The following PAX3 variants were observed in gnomAD, a reference collection of about 807,000 sequenced individuals.
The protein encoded by PAX3 is paired box protein Pax-3.
Under a neutral mutation model 51.6 loss-of-function variants are expected in PAX3, and 14 were observed. That is an observed-to-expected ratio of 0.27 (90% CI 0.18 to 0.42). The LOEUF (loss-of-function observed/expected upper bound fraction) is 0.42. PAX3 is among the 10% of genes least tolerant of loss of function. PAX3 has a pLI of 1.00. For synonymous variants in PAX3, 280 were observed against 253.4 expected (o/e 1.11, Z -1.00); for missense variants, 540 against 642.8 (o/e 0.84, Z 1.73).
intron 4 of PAX3, among the ~76,000 whole-genome samples, chr2:222,250,304 A>T (rs1693378461): frequency 6.6e-6 from 1 of 152,152 alleles, no homozygotes; most frequent in Non-Finnish European, 1.5e-5. Flanking sequence ...GTAACCCCCA[A>T]AAAGCTTTGG....
intron 7 of PAX3, among the ~76,000 whole-genome samples, chr2:222,210,950 T>A (rs964512282): frequency 6.6e-6 from 1 of 152,100 alleles, no homozygotes; most frequent in African/African-American, 2.4e-5. Flanking sequence ...CACTGCAACC[T>A]CACCCTCCTG....
intron 1 of PAX3, chr2:222,298,162 C>T (rs904034976): frequency 6.6e-6 from 2 of 301,764 alleles, no homozygotes; most frequent in African/African-American, 4.3e-5. Context: ...TGGGCGCAGC[C>T]GGGACAATTT....
chr2:222,212,339 T>C (rs1427474364), intron 7 of PAX3, among the ~76,000 whole-genome samples: 1 of 152,134 alleles, frequency 6.6e-6, no homozygotes, highest in African/African-American at 2.4e-5. Context: ...ATTAGTTCAG[T>C]GCTAAAGGTT....
In PAX3 at chr2:222,298,656, G is replaced by A. The variant is rs1333918599; in HGVS notation, c.-41C>T. 3 of 1,555,164 alleles carry A rather than the reference G, an allele frequency of 1.9e-6. No individual in the cohort carries two copies. Among genetic ancestry groups the A allele is most frequent in the Non-Finnish European group, 2.6e-6 (3 of 1,144,164 alleles). Reference sequence around the variant, plus strand: ...GCTCGGAAATTATATCCAGGTGAAGGCGAAACGGAAAGGCGAGTGCGGCGC... The same window carrying A: ...GCTCGGAAATTATATCCAGGTGAAGACGAAACGGAAAGGCGAGTGCGGCGC... On this transcript the variant is annotated 5_prime_UTR_variant, in exon 1 of 9. Coordinates refer to ENST00000392070, the MANE Select transcript of PAX3 (RefSeq NM_181458.4).
chr2:222,296,918 T>A (rs1695329657), intron 2 of PAX3, 60 bp downstream of exon 2: 2 of 1,406,814 alleles, frequency 1.4e-6, no homozygotes, highest in Non-Finnish European at 2.0e-6. Context: ...CCCCGCCCGG[T>A]CTTCCCCAAC....
chr2:222,295,431 C>A (rs528275656), intron 3 of PAX3, 97 bp downstream of exon 3: 2 of 1,437,550 alleles, frequency 1.4e-6, no homozygotes, highest in African/African-American at 1.4e-5. Flanking sequence ...CTCCCAATAG[C>A]TGAGATCGAT....
chr2:222,291,187 A>C (rs1436438708), intron 4 of PAX3, among the ~76,000 whole-genome samples: 23 of 152,114 alleles, frequency 1.5e-4, no homozygotes, highest in Admixed American at 1.5e-3. Context: ...GCCGCTGCGC[A>C]GGGCGGTGCC....
chr2:222,260,578 G>T (rs201645915), intron 4 of PAX3, among the ~76,000 whole-genome samples: 12,132 of 59,998 alleles, frequency 0.2, 157 homozygotes, highest in East Asian at 0.25. Flanking sequence ...TTTTTTTTTT[G>T]TTTTTTTTTT....
chr2:222,202,410 A>C (rs974978975), intron 7 of PAX3, among the ~76,000 whole-genome samples: 12 of 151,786 alleles, frequency 7.9e-5, no homozygotes, highest in Admixed American at 2.6e-4. Flanking sequence ...AGGGGGAGGG[A>C]GAAGAGGGGA....
intron 7 of PAX3, among the ~76,000 whole-genome samples, chr2:222,211,118 C>T (rs773178621): frequency 6.6e-6 from 1 of 152,142 alleles, no homozygotes; most frequent in Non-Finnish European, 1.5e-5. Flanking sequence ...CCCACCTCAG[C>T]CTGCCAAAGT....
At chr2:222,270,964 G>A (rs1694231222) in intron 4 of PAX3, among the ~76,000 whole-genome samples, 1 of 152,186 alleles carries the variant, frequency 6.6e-6, no homozygotes, top group Non-Finnish European at 1.5e-5. Flanking sequence ...ACAGCAAGAA[G>A]GCAAATCAAT....
chr2:222,272,190 A>G (rs1443399649), intron 4 of PAX3, among the ~76,000 whole-genome samples: 1 of 152,208 alleles, frequency 6.6e-6, no homozygotes, highest in Non-Finnish European at 1.5e-5. Flanking sequence ...TCTCATCTTC[A>G]ATGGAAAAAA....
At chr2:222,266,244 T>A (rs1008269791) in intron 4 of PAX3, among the ~76,000 whole-genome samples, 11 of 152,300 alleles carry the variant, frequency 7.2e-5, no homozygotes, top group Admixed American at 5.9e-4. Flanking sequence ...GGAATTCATA[T>A]GTGCAAGAGT....
At chr2:222,232,828 A>C (rs2106096312) in intron 4 of PAX3, 1 of 157,766 alleles carries the variant, frequency 6.3e-6, no homozygotes, top group African/African-American at 2.4e-5. Flanking sequence ...AGTAACAGTT[A>C]ACTATTCCCA....
intron 4 of PAX3, among the ~76,000 whole-genome samples, chr2:222,238,270 T>G (rs1472430897): frequency 2.0e-5 from 3 of 152,186 alleles, no homozygotes; most frequent in Non-Finnish European, 4.4e-5. Context: ...AGAGAGTATG[T>G]CTTTGTCCGT....
chr2:222,249,211 T>TTA (rs1460104579), intron 4 of PAX3, among the ~76,000 whole-genome samples: 1 of 152,182 alleles, frequency 6.6e-6, no homozygotes, highest in Non-Finnish European at 1.5e-5. Context: ...AGGCATTATA[T>TTA]TAAGCCTTTC....
chr2:222,240,781 G>A lies in PAX3; in HGVS notation c.587-8498C>T, dbSNP rs1692983869. Among the ~76,000 whole-genome samples, 3 of 152,140 alleles carry A rather than the reference G, an allele frequency of 2.0e-5. No homozygotes were observed. In the South Asian group the frequency reaches 6.2e-4, roughly 32 times the overall value. ...AGTGGCTTCTTATGTGTGTATATGTGTGTAACAAGAATTCCTTTTACAACA... is the reference window on the plus strand; with the variant it reads ...AGTGGCTTCTTATGTGTGTATATGTATGTAACAAGAATTCCTTTTACAACA... On this transcript the variant is annotated intron_variant, in intron 4 of 8. Coordinates refer to ENST00000392070, the MANE Select transcript of PAX3 (RefSeq NM_181458.4).
Position 222,295,609 on chromosome 2 carries a change from C to G in PAX3, c.370G>C (p.Glu124Gln). ...TCCCAGCTGAACATGCCCGGGTTCTCTCTTTTGTATTCCTCAATTTTCTTC... is the reference window on the plus strand; with the variant it reads ...TCCCAGCTGAACATGCCCGGGTTCTGTCTTTTGTATTCCTCAATTTTCTTC... ...VEKKIEEYKR[E>Q]NPGMFSWEIR... The change falls in exon 3 of 9, where the codon GAG (glutamate) becomes CAG (glutamine). Residue 124 changes from glutamate (E) to glutamine (Q), a missense_variant. Physicochemically the swap from Glu to Gln is conservative, Grantham distance 29. This residue lies in a region of PAX3 where 427 missense variants were observed against 483.6 expected (regional missense o/e 0.88). Transcript: ENST00000392070. 1 of 1,614,220 alleles carries G rather than the reference C, an allele frequency of 6.2e-7. No homozygotes were observed. The highest frequency in any genetic ancestry group is 8.5e-7 in the Non-Finnish European group (1 of 1,180,044).
At chr2:222,285,540 C>A (rs2106182254) in intron 4 of PAX3, among the ~76,000 whole-genome samples, 1 of 152,294 alleles carries the variant, frequency 6.6e-6, no homozygotes, top group South Asian at 2.1e-4. Context: ...GTAAAAATCA[C>A]AAAATAAAAA....
Sources: gnomAD v4.1 joint callset for allele counts (sites outside exome capture counted in the v4.1 genomes callset) on GRCh38, gnomAD v4.1.1 for gene constraint, gnomAD v4.1.1 regional missense constraint, MANE v1.5 for transcripts, NCBI Gene and HGNC (gene_info 2026-07-23, HGNC 2026-07-21) for gene names.